CREBBP: variants seen among roughly 807,000 people sequenced by gnomAD.
CREBBP encodes CREB binding lysine acetyltransferase, also known as CREB-binding protein.
Under a neutral mutation model 265.0 loss-of-function variants are expected in CREBBP, and 19 were observed. The ratio of observed to expected loss-of-function variants is 0.07; its 90% confidence interval spans 0.05 to 0.11. CREBBP has a LOEUF of 0.11. CREBBP is among the 10% of genes least tolerant of loss of function. The pLI is 1.00. For missense variants in CREBBP, 2,525 were observed against 3,219.0 expected (o/e 0.78, Z 5.22); for synonymous variants, 1,457 against 1,223.7 (o/e 1.19, Z -3.98).
intron 20 of CREBBP, among the ~76,000 whole-genome samples, chr16:3,751,497 A>C (rs1442353897): frequency 6.6e-6 from 1 of 152,128 alleles, no homozygotes; most frequent in Non-Finnish European, 1.5e-5. Context: ...GAGGCTGAGA[A>C]AGGAGGATCG....
At position 3,849,428 on chromosome 16, in the gene CREBBP, T is replaced by TGTGTGTGTG. The variant is rs1567360154; in HGVS notation, c.798+860_798+868dup. Among the ~76,000 whole-genome samples the TGTGTGTGTG allele has an allele frequency of 1.4e-3, 11 of 7,940 alleles. 2 individuals are homozygous for TGTGTGTGTG. Among genetic ancestry groups the TGTGTGTGTG allele is most frequent in the Admixed American group, 8.7e-3 (4 of 460 alleles). The allele number at this position is 7,940 out of a possible 152,430, so 5.2% of individuals were successfully genotyped here. A position where few individuals can be genotyped will look rare whatever the true frequency, so the allele number is the denominator to read the frequency against. The stretch of plus-strand genomic sequence containing the variant: ...GTGTGTGTGTGTGTGTGTGTGTGTG[T>TGTGTGTGTG]GTGTGTGTGTGTGTGTGTGTGTGTG... On this transcript the variant is annotated intron_variant, in intron 2 of 30. Transcript: ENST00000262367.
rs547880865 is a variant in CREBBP, at chr16:3,864,853, G to A, written c.86-13844C>T. ...AGGCCAAGGCAGGCAGGTCACCTGA[G>A]GTCAGGCGTTCGAGGCCAGCCTGGC... On this transcript the variant is annotated intron_variant, in intron 1 of 30. Transcript: ENST00000262367. Among the ~76,000 whole-genome samples, 4 of 152,344 alleles carry A rather than the reference G, an allele frequency of 2.6e-5. No individual in the cohort carries two copies. The South Asian group carries it at 8.3e-4, about 32-fold the overall frequency.
intron 2 of CREBBP, among the ~76,000 whole-genome samples, chr16:3,836,971 A>G (rs1050629715): frequency 2.6e-5 from 4 of 152,246 alleles, no homozygotes; most frequent in Admixed American, 6.5e-5. Flanking sequence ...GCATGGCTCA[A>G]TTATGTATAG....
intron 16 of CREBBP, chr16:3,761,578 C>T: frequency 1.9e-6 from 1 of 518,724 alleles, no homozygotes; most frequent in Non-Finnish European, 3.8e-6. Flanking sequence ...AGACTCTTGA[C>T]CAACCTCCGC....
At chr16:3,796,557 T>C (rs1308588104) in intron 3 of CREBBP, among the ~76,000 whole-genome samples, 1 of 152,072 alleles carries the variant, frequency 6.6e-6, no homozygotes, top group Non-Finnish European at 1.5e-5. Context: ...TGGCTACTTT[T>C]TGTATTTTTA....
At chr16:3,813,210 T>G (rs1555489738) in intron 2 of CREBBP, 1 of 227,890 alleles carries the variant, frequency 4.4e-6, no homozygotes, top group Non-Finnish European at 8.7e-6. Context: ...TCCTTCCCCA[T>G]GTAGTCCTCC....
In CREBBP at chr16:3,726,996, A is replaced by C. The variant is rs899483370; in HGVS notation, c.*722T>G. 1 of 233,550 alleles carries C rather than the reference A, an allele frequency of 4.3e-6. No homozygotes were observed. Among genetic ancestry groups the C allele is most frequent in the Non-Finnish European group, 8.5e-6 (1 of 118,048 alleles). 14.5% of individuals were successfully genotyped at this position (233,550 alleles called of 1,614,324 possible). A position where few individuals can be genotyped will look rare whatever the true frequency, so the allele number is the denominator to read the frequency against. The stretch of plus-strand genomic sequence containing the variant: ...AAGTTTCACATAGAAGAAAGAAAAG[A>C]AGGCTTCTTCTCTAGTAACATTAGC... On this transcript the variant is annotated 3_prime_UTR_variant, in exon 31 of 31. Transcript: ENST00000262367.
At chr16:3,879,228 A>ACG (rs201498562) in intron 1 of CREBBP, among the ~76,000 whole-genome samples, 1,626 of 28,040 alleles carry the variant, frequency 0.058, 27 homozygotes, top group African/African-American at 0.12. Flanking sequence ...AAAAACACAC[A>ACG]CGCGCGCACA....
At chr16:3,817,705 A>G (rs1217828081) in intron 2 of CREBBP, among the ~76,000 whole-genome samples, 1 of 152,216 alleles carries the variant, frequency 6.6e-6, no homozygotes, top group Non-Finnish European at 1.5e-5. Context: ...AATAGTAGCA[A>G]GCCAAGCATC....
At chr16:3,814,642 T>C (rs933520630) in intron 2 of CREBBP, among the ~76,000 whole-genome samples, 6 of 152,168 alleles carry the variant, frequency 3.9e-5, no homozygotes, top group Admixed American at 1.3e-4. Context: ...CTTTTCTTCT[T>C]GGCCATCAGA....
intron 19 of CREBBP, among the ~76,000 whole-genome samples, chr16:3,753,169 G>C (rs1232575066): frequency 6.6e-6 from 1 of 152,176 alleles, no homozygotes; most frequent in Non-Finnish European, 1.5e-5. Context: ...AATGGGACGC[G>C]GCAGCTGCAG....
chr16:3,778,666 T>G, intron 9 of CREBBP, 34 bp downstream of exon 9: 1 of 1,478,944 alleles, frequency 6.8e-7, no homozygotes, highest in Non-Finnish European at 9.5e-7. Flanking sequence ...CTACAGATGC[T>G]GTAGAGGCCA....
chr16:3,765,594 A>G (rs961875127), intron 16 of CREBBP, among the ~76,000 whole-genome samples: 1 of 152,252 alleles, frequency 6.6e-6, no homozygotes, highest in East Asian at 1.9e-4. Context: ...TTTCATAAAA[A>G]AATCAAATGC....
chr16:3,801,268 G>A lies in CREBBP; in HGVS notation c.976-7642C>T, dbSNP rs143922674. On this transcript the variant is annotated intron_variant, in intron 3 of 30. Transcript: ENST00000262367. ...TGACAGGAAAACTGGTGAACAACAG[G>A]ACCAAAGCAACTCAAATAAATGCCT... Among the ~76,000 whole-genome samples the A allele has an allele frequency of 3.3e-3, 504 of 152,258 alleles. 3 individuals are homozygous for A. Among genetic ancestry groups the A allele is most frequent in the Non-Finnish European group, 4.2e-3 (285 of 68,002 alleles).
chr16:3,820,400 A>G (rs1484063866), intron 2 of CREBBP, among the ~76,000 whole-genome samples: 4 of 152,206 alleles, frequency 2.6e-5, no homozygotes, highest in Admixed American at 1.3e-4. Flanking sequence ...AGTTGGGCTA[A>G]AGCACCTGGG....
chr16:3,732,368 A>G (rs1354899441), intron 28 of CREBBP, among the ~76,000 whole-genome samples: 1 of 152,008 alleles, frequency 6.6e-6, no homozygotes, highest in Non-Finnish European at 1.5e-5. Context: ...CTGATGGGAA[A>G]AGCAGCTGCC....
intron 2 of CREBBP, 54 bp downstream of exon 2, chr16:3,850,243 G>A (rs1366912953): frequency 1.9e-6 from 3 of 1,593,772 alleles, no homozygotes; most frequent in South Asian, 1.1e-5. Context: ...GCATTACTCG[G>A]AGGGAAAGCC....
At chr16:3,829,672 C>T (rs895393694) in intron 2 of CREBBP, among the ~76,000 whole-genome samples, 8 of 152,210 alleles carry the variant, frequency 5.3e-5, no homozygotes, top group African/African-American at 1.9e-4. Flanking sequence ...GAGAATCAAA[C>T]TGATCTGAGT....
chr16:3,762,470 G>C (rs1196264035), intron 16 of CREBBP, among the ~76,000 whole-genome samples: 1 of 149,858 alleles, frequency 6.7e-6, no homozygotes, highest in Non-Finnish European at 1.5e-5. Context: ...GTGAGCCACG[G>C]TGCCTGGCCG....
Sources: allele counts gnomAD v4.1 joint callset (sites outside exome capture counted in the v4.1 genomes callset), GRCh38; gene constraint gnomAD v4.1.1; transcripts MANE v1.5; gene names NCBI Gene and HGNC (gene_info 2026-07-23, HGNC 2026-07-21).